Variants in SLC17A1 observed in about 807,000 individuals in gnomAD.
SLC17A1 encodes the protein solute carrier family 17 member 1.
A neutral mutation model predicts 53.5 loss-of-function variants in SLC17A1; 51 were observed. The observed-to-expected ratio is 0.95, with a 90% CI of 0.76 to 1.20. The LOEUF is 1.20. Ranked by LOEUF, SLC17A1 falls within the 50% of genes most tolerant of loss-of-function variation. The probability of loss-of-function intolerance (pLI) is 0.00; values close to 1 mark genes in which losing one functional copy is unlikely to be tolerated. For synonymous variants in SLC17A1, 179 were observed against 198.8 expected (o/e 0.90, Z 0.84); for missense variants, 538 against 568.2 (o/e 0.95, Z 0.54).
chr6:25,808,087 T>G (rs1312491931), intron 10 of SLC17A1, among the ~76,000 whole-genome samples: 5 of 152,164 alleles, frequency 3.3e-5, no homozygotes, highest in Non-Finnish European at 7.4e-5. Context: ...CCACCAACAG[T>G]GTAAAGGTGT....
the SLC17A1 span, among the ~76,000 whole-genome samples, chr6:25,748,385 A>C: frequency 2.6e-5 from 4 of 152,322 alleles, no homozygotes; most frequent in East Asian, 1.9e-4. Context: ...TGAGATAATA[A>C]AACACCATAA....
intron 3 of SLC17A1, among the ~76,000 whole-genome samples, chr6:25,823,833 G>T (rs1764648420): frequency 6.6e-6 from 1 of 151,802 alleles, no homozygotes; most frequent in Admixed American, 6.6e-5. Context: ...GTTCATATGT[G>T]TGTCAGTCTC....
At position 25,793,670 on chromosome 6, in the gene SLC17A1, TACTG is replaced by T. The variant is rs558898250; in HGVS notation, c.*2+5109_*2+5112del. Among the ~76,000 whole-genome samples, 102 of 152,256 alleles carry T rather than the reference TACTG, an allele frequency of 6.7e-4. 4 individuals carry two copies. In the South Asian group the frequency reaches 0.02, roughly 30 times the overall value. On this transcript the variant is annotated intron_variant, in intron 12 of 12. Transcript: ENST00000244527. ...ACAAAAGTGCTTAAATATGTTTATT[TACTG>T]TCTGAATGAATATTAGATAGCAGGG... is the stretch of plus-strand genomic sequence containing the variant.
At chr6:25,759,583 G>A in the SLC17A1 span, among the ~76,000 whole-genome samples, 1 of 152,166 alleles carries the variant, frequency 6.6e-6, no homozygotes, top group Non-Finnish European at 1.5e-5. Context: ...TTGCTTATAA[G>A]TTTGTTTTGT....
chr6:25,801,197 G>T (rs1271115182), intron 10 of SLC17A1, among the ~76,000 whole-genome samples: 2 of 151,850 alleles, frequency 1.3e-5, no homozygotes, highest in African/African-American at 2.4e-5. Context: ...AGAATATGAT[G>T]ATATTAATAA....
At chr6:25,770,871 A>T in the SLC17A1 span, 3 of 1,375,896 alleles carry the variant, frequency 2.2e-6, no homozygotes, top group Non-Finnish European at 3.1e-6. Flanking sequence ...TAGAAAGCAC[A>T]TAGAGCCCCA....
the SLC17A1 span, chr6:25,776,603 C>T: frequency 4.4e-6 from 7 of 1,604,564 alleles, no homozygotes; most frequent in South Asian, 1.1e-5. Context: ...AGAGTGGGAT[C>T]CTGTCTGCCT....
chr6:25,775,740 A>G, the SLC17A1 span, among the ~76,000 whole-genome samples: 1 of 152,100 alleles, frequency 6.6e-6, no homozygotes, highest in Non-Finnish European at 1.5e-5. Flanking sequence ...AATTTCCTAT[A>G]TATATTCTTT....
chr6:25,726,805 G>A, the SLC17A1 span: 3 of 1,371,056 alleles, frequency 2.2e-6, no homozygotes, highest in Non-Finnish European at 3.0e-6. Context: ...ACTTGGAGCT[G>A]AGGTCATTTG....
chr6:25,761,917 T>C, the SLC17A1 span: 2 of 1,497,044 alleles, frequency 1.3e-6, no homozygotes, highest in Non-Finnish European at 9.3e-7. Context: ...TTGTATTCTT[T>C]TTATTTCAGT....
At position 25,813,197 on chromosome 6, in the gene SLC17A1, G is replaced by A. The variant is rs766037626; in HGVS notation, c.633C>T (p.Ala211=). The A allele has an allele frequency of 1.9e-6, 3 of 1,613,854 alleles. No homozygotes were observed. Among genetic ancestry groups the A allele is most frequent in the East Asian group, 2.2e-5 (1 of 44,894 alleles). Residue 211 remains alanine, a synonymous_variant, in exon 7 of 13, where the codon GCC becomes GCT. Transcript: ENST00000244527. ...VFYIFGACGC[A]VCLLWFVLFY... is the part of the protein sequence containing the mutation. ...ACAGAACGAACCAGAGAAGACATAC[G>A]GCACAGCCACAAGCACCTATCAAAG...
the SLC17A1 span, among the ~76,000 whole-genome samples, chr6:25,750,633 CAGAGAGAG>C: frequency 1.4e-5 from 2 of 145,684 alleles, no homozygotes; most frequent in Non-Finnish European, 3.0e-5. Flanking sequence ...TAACCCATGT[CAGAGAGAG>C]AGAGAGAGAG....
At chr6:25,727,819 A>G in the SLC17A1 span, among the ~76,000 whole-genome samples, 1 of 151,854 alleles carries the variant, frequency 6.6e-6, no homozygotes. Flanking sequence ...AGAGACGGAG[A>G]CCATCTTGGC....
the SLC17A1 span, among the ~76,000 whole-genome samples, chr6:25,757,870 G>A: frequency 6.6e-6 from 1 of 152,188 alleles, no homozygotes; most frequent in East Asian, 1.9e-4. Context: ...AGCAGTTAGG[G>A]TTCCTTTCTC....
intron 10 of SLC17A1, among the ~76,000 whole-genome samples, chr6:25,809,972 T>C (rs1764095594): frequency 2.0e-5 from 3 of 151,880 alleles, no homozygotes; most frequent in Admixed American, 2.0e-4. Context: ...ACATTTAGGG[T>C]GAATTGATTT....
At chr6:25,759,184 C>T in the SLC17A1 span, among the ~76,000 whole-genome samples, 3 of 152,042 alleles carry the variant, frequency 2.0e-5, no homozygotes, top group Non-Finnish European at 4.4e-5. Context: ...TTTCGATTTC[C>T]TTAAATTTGT....
At chr6:25,760,017 C>T in the SLC17A1 span, among the ~76,000 whole-genome samples, 3 of 152,208 alleles carry the variant, frequency 2.0e-5, no homozygotes, top group Non-Finnish European at 4.4e-5. Context: ...GTCTCTGGTA[C>T]ACACCGTGAA....
At chr6:25,745,569 G>A in the SLC17A1 span, among the ~76,000 whole-genome samples, 1 of 152,138 alleles carries the variant, frequency 6.6e-6, no homozygotes, top group African/African-American at 2.4e-5. Context: ...CCAGATCATG[G>A]CAAGAACACC....
At chr6:25,747,414 C>T in the SLC17A1 span, among the ~76,000 whole-genome samples, 1 of 152,186 alleles carries the variant, frequency 6.6e-6, no homozygotes, top group Non-Finnish European at 1.5e-5. Context: ...AACTTGCAGC[C>T]TTCAGCTCAA....
Sources: allele counts gnomAD v4.1 joint callset (sites outside exome capture counted in the v4.1 genomes callset), GRCh38; gene constraint gnomAD v4.1.1; transcripts MANE v1.5; gene names NCBI Gene and HGNC (gene_info 2026-07-23, HGNC 2026-07-21).